The following DOP1A variants were observed in gnomAD, a reference collection of about 807,000 sequenced individuals.
DOP1A encodes DOP1 leucine zipper like protein A.
A neutral mutation model predicts 267.6 loss-of-function variants in DOP1A; 90 were observed. That is an observed-to-expected ratio of 0.34 (90% CI 0.28 to 0.40). The LOEUF (loss-of-function observed/expected upper bound fraction) is 0.40, where lower values mean the gene tolerates loss of function less well. DOP1A is among the 10% of genes least tolerant of loss of function. DOP1A has a pLI of 1.00. For missense variants in DOP1A, 2,437 were observed against 2,900.4 expected (o/e 0.84, Z 3.67); for synonymous variants, 932 against 999.1 (o/e 0.93, Z 1.27).
Position 83,129,417 on chromosome 6 carries a change from C to G in DOP1A, c.2250C>G (p.Ala750=). 1 of 1,610,758 alleles carries G rather than the reference C, an allele frequency of 6.2e-7. No homozygotes were observed. Among genetic ancestry groups the G allele is most frequent in the Non-Finnish European group, 8.5e-7 (1 of 1,178,812 alleles). Residue 750 remains alanine (A), a synonymous_variant, in exon 16 of 39, where the codon GCC becomes GCG. Transcript: ENST00000349129. ...SKEYLSAFLA[A]CQLFLECSSF... ...AATACCTGTCTGCCTTCCTTGCTGC[C>G]TGTCAGCTCTTCCTAGAGTGCTCAA...
At chr6:83,125,900 ATTATCT>A (rs550363982) in intron 15 of DOP1A, among the ~76,000 whole-genome samples, 167 bp downstream of exon 15, 169 of 152,114 alleles carry the variant, frequency 1.1e-3, no homozygotes, top group African/African-American at 3.9e-3. Context: ...GGGCAGTTTA[ATTATCT>A]TTATCAGTAC....
chr6:83,126,155 C>T (rs1402907456), intron 15 of DOP1A, among the ~76,000 whole-genome samples: 6 of 150,372 alleles, frequency 4.0e-5, no homozygotes, highest in African/African-American at 1.2e-4. Context: ...AGCACATCTT[C>T]GTGCTGATTG....
intron 24 of DOP1A, among the ~76,000 whole-genome samples, chr6:83,143,068 C>A (rs1467904814): frequency 6.6e-6 from 1 of 152,134 alleles, no homozygotes; most frequent in East Asian, 1.9e-4. Flanking sequence ...ATATCACTCA[C>A]ATTGAAAATT....
At chr6:83,147,002 T>G (rs1425122847) in intron 25 of DOP1A, among the ~76,000 whole-genome samples, 1 of 152,192 alleles carries the variant, frequency 6.6e-6, no homozygotes, top group African/African-American at 2.4e-5. Context: ...GAAGGAAAAA[T>G]TGACAGTCTT....
intron 1 of DOP1A, among the ~76,000 whole-genome samples, chr6:83,080,105 C>G (rs960731845): frequency 4.9e-5 from 3 of 61,436 alleles, no homozygotes; most frequent in African/African-American, 1.8e-4. Flanking sequence ...TACTCTTAGG[C>G]TGATTTTTTT....
In DOP1A at chr6:83,167,892, A is replaced by G; in HGVS notation, c.7123A>G (p.Thr2375Ala). The change falls in exon 39 of 39, where the codon ACA (threonine) becomes GCA (alanine). Residue 2375 changes from threonine to alanine, a missense_variant. By Grantham distance (58) the Thr-to-Ala change is moderately conservative. Transcript: ENST00000349129. ...KNPEEDNSGR[T>A]LGWEPGHLLL... The stretch of plus-strand genomic sequence containing the variant: ...TCCAGAGGAAGACAACTCAGGGAGA[A>G]CATTGGGTTGGGAGCCAGGGCACTT... 6.2e-7 allele frequency: 1 copy of G among 1,613,138 alleles called. No homozygotes were observed. The highest frequency in any genetic ancestry group is 1.1e-5 in the South Asian group (1 of 90,932).
chr6:83,124,001 A>C (rs1366038047), intron 12 of DOP1A, among the ~76,000 whole-genome samples: 1 of 152,036 alleles, frequency 6.6e-6, no homozygotes, highest in African/African-American at 2.4e-5. Flanking sequence ...CCTATCTGCT[A>C]AAATCCTATG....
At chr6:83,158,495 T>C (rs1783383508) in intron 35 of DOP1A, 72 bp from the exon 36 acceptor site, 1 of 1,178,332 alleles carries the variant, frequency 8.5e-7, no homozygotes, top group Non-Finnish European at 1.2e-6. Flanking sequence ...TTAATGAAAA[T>C]ACAACTTAAA....
At chr6:83,167,267 TCCTC>T (rs1488508350) in intron 38 of DOP1A, 4 of 984,284 alleles carry the variant, frequency 4.1e-6, no homozygotes, top group Non-Finnish European at 4.8e-6. Flanking sequence ...GGTCCAGCTT[TCCTC>T]CCTATGTTGT....
chr6:83,078,593 G>A (rs1222381594), intron 1 of DOP1A, among the ~76,000 whole-genome samples: 2 of 152,200 alleles, frequency 1.3e-5, no homozygotes, highest in African/African-American at 4.8e-5. Flanking sequence ...GCTGTTGACA[G>A]TAATGAAGGA....
Position 83,121,787 on chromosome 6 carries a change from G to A in DOP1A, c.1100-143G>A, listed in dbSNP as rs1478859409. ...TATCTTATATTACCTTCTCAAAGAA[G>A]TGTGAATTTAGCTTAGCTTCTGAAG... On this transcript the variant is annotated intron_variant, in intron 10 of 38. Transcript: ENST00000349129. 21 of 759,564 alleles carry A rather than the reference G, an allele frequency of 2.8e-5. No homozygotes were observed. The Admixed American group carries it at 6.5e-4, about 24-fold the overall frequency. 47.1% of individuals were successfully genotyped at this position (759,564 alleles called of 1,614,324 possible).
intron 30 of DOP1A, among the ~76,000 whole-genome samples, chr6:83,152,635 T>G (rs1781933077): frequency 2.0e-5 from 3 of 151,146 alleles, no homozygotes; most frequent in Admixed American, 2.0e-4. Flanking sequence ...TTTTTTTTTT[T>G]TGAGACAGTT....
intron 1 of DOP1A, among the ~76,000 whole-genome samples, chr6:83,083,357 G>GA (rs990030992): frequency 6.7e-6 from 1 of 149,382 alleles, no homozygotes; most frequent in Non-Finnish European, 1.5e-5. Flanking sequence ...AAAGTTTTTT[G>GA]AAAAAAGTTA....
Position 83,085,677 on chromosome 6 carries a change from T to G in DOP1A, c.-146-11054T>G, listed in dbSNP as rs572467221. ...AGGGTATAGCTAAGATGTTGCTGTT[T>G]CTGCTGTATCAGAAGAGGTCTTATC... is the stretch of plus-strand genomic sequence containing the variant. On this transcript the variant is annotated intron_variant, in intron 1 of 38. Transcript: ENST00000349129. Among the ~76,000 whole-genome samples the G allele has an allele frequency of 1.1e-4, 17 of 151,842 alleles. No homozygotes were observed. In the South Asian group the frequency reaches 3.3e-3, roughly 30 times the overall value.
downstream of DOP1A, chr6:83,170,596 T>C (rs1583247288): frequency 3.8e-6 from 3 of 790,952 alleles, no homozygotes; most frequent in African/African-American, 3.5e-5. Context: ...TTAAAACTTC[T>C]TTCTCCAAGG....
In DOP1A at chr6:83,151,940, C is replaced by T. The variant is rs1781765041; in HGVS notation, c.5962C>T (p.Gln1988Ter). 1 of 1,613,856 alleles carries T rather than the reference C, an allele frequency of 6.2e-7. No homozygotes were observed. Among genetic ancestry groups the T allele is most frequent in the Non-Finnish European group, 8.5e-7 (1 of 1,179,862 alleles). The change falls in exon 29 of 39, where the codon CAG becomes TAG. Residue 1988 changes from glutamine to a stop codon, truncating the protein, a stop_gained. Transcript: ENST00000349129. LOFTEE classifies it high-confidence loss of function. ...TGCAATTGCTGGTTCTTCTCTGGAA[C>T]AGACAACATGGCTGCGACGAAATCT... ...IGAIAGSSLE[Q>*]TTWLRRNLEV... is the part of the protein sequence containing the mutation.
At chr6:83,093,239 A>G (rs1056102796) in intron 1 of DOP1A, among the ~76,000 whole-genome samples, 10 of 152,236 alleles carry the variant, frequency 6.6e-5, no homozygotes, top group Non-Finnish European at 1.2e-4. Context: ...CTGAAGCAAA[A>G]TCATTTCATG....
chr6:83,081,237 A>G (rs913511097), intron 1 of DOP1A, among the ~76,000 whole-genome samples: 1 of 152,104 alleles, frequency 6.6e-6, no homozygotes, highest in Non-Finnish European at 1.5e-5. Flanking sequence ...CCTCCTGAGT[A>G]GCTGGGATTA....
At chr6:83,069,262 C>T (rs1026271221) in intron 1 of DOP1A, among the ~76,000 whole-genome samples, 2 of 152,154 alleles carry the variant, frequency 1.3e-5, no homozygotes, top group African/African-American at 4.8e-5. Flanking sequence ...ATTTAATAGG[C>T]TTACTTTCCC....
Sources: gnomAD v4.1 joint callset for allele counts (sites outside exome capture counted in the v4.1 genomes callset) on GRCh38, gnomAD v4.1.1 for gene constraint, MANE v1.5 for transcripts, NCBI Gene and HGNC (gene_info 2026-07-23, HGNC 2026-07-21) for gene names.